RRP1B: variants seen among roughly 807,000 people sequenced by gnomAD.
The protein encoded by RRP1B is ribosomal RNA processing protein 1 homolog B.
Under a neutral mutation model 80.2 loss-of-function variants are expected in RRP1B, and 56 were observed. The ratio of observed to expected loss-of-function variants is 0.70; its 90% CI spans 0.56 to 0.87. The LOEUF (loss-of-function observed/expected upper bound fraction) is 0.87. Among genes scored for constraint, RRP1B ranks in the 40% least tolerant of loss-of-function variants. The pLI is 0.00. For missense variants in RRP1B, 807 were observed against 939.8 expected, an observed-to-expected ratio of 0.86 and a Z score of 1.85; for synonymous variants, 351 against 357.6, an observed-to-expected ratio of 0.98 and a Z score of 0.21.
chr21:43,687,874 T>A lies in RRP1B; in HGVS notation c.1500T>A (p.Ser500Arg). ...AVLPPEDMSQ[S>R]GPSGSHPQGP... is the part of the protein sequence containing the mutation. ...TGCCCCCAGAGGACATGTCTCAGAGTGGCCCGAGTGGCAGTCATCCTCAGG... is the reference window on the plus strand; with the variant it reads ...TGCCCCCAGAGGACATGTCTCAGAGAGGCCCGAGTGGCAGTCATCCTCAGG... Residue 500 changes from serine to arginine, a missense_variant, in exon 13 of 16, where the codon AGT becomes AGA. Physicochemically the swap from Ser to Arg is moderately radical, Grantham distance 110. Coordinates refer to ENST00000340648, the MANE Select transcript of RRP1B (RefSeq NM_015056.3). 1.2e-6 allele frequency: 2 copies of A among 1,613,230 alleles called. No individual in the cohort carries two copies. Among genetic ancestry groups the A allele is most frequent in the Non-Finnish European group, 1.7e-6 (2 of 1,180,020 alleles).
intron 1 of RRP1B, among the ~76,000 whole-genome samples, chr21:43,663,628 G>A (rs1462998983): frequency 1.3e-5 from 2 of 152,060 alleles, no homozygotes; most frequent in Admixed American, 1.3e-4. Flanking sequence ...CACAATCTCG[G>A]CTCACTGCAA....
chr21:43,665,839 C>T lies in RRP1B; in HGVS notation c.131-4045C>T, dbSNP rs1476508291. On this transcript the variant is annotated intron_variant, in intron 1 of 15. Coordinates refer to ENST00000340648, the MANE Select transcript of RRP1B (RefSeq NM_015056.3). ...AGCAGATGCTGGAGCCATGCTTGTA[C>T]AGCCTGCAGAGCCTCGAGCCAAATA... Among the ~76,000 whole-genome samples the T allele has an allele frequency of 2.0e-5, 3 of 152,214 alleles. No homozygotes were observed. In the East Asian group the frequency reaches 5.8e-4, roughly 29 times the overall value.
In RRP1B at chr21:43,669,892, A is replaced by C. The variant is rs757176378; in HGVS notation, c.139A>C (p.Ser47Arg). Residue 47 changes from serine to arginine, a missense_variant, in exon 2 of 16, where the codon AGT becomes CGT. Ser to Arg is a moderately radical substitution (Grantham distance 110). Coordinates refer to ENST00000340648, the MANE Select transcript of RRP1B (RefSeq NM_015056.3). ...VKTQRETGGFSQEELLKIWKG... is the reference protein window; with the variant it reads ...VKTQRETGGFRQEELLKIWKG... ...ATTGTTTTGCCTTCCAGGAGGTTTC[A>C]GTCAGGAAGAACTTCTGAAAATCTG... 2 of 1,612,256 alleles carry C rather than the reference A, an allele frequency of 1.2e-6. No homozygotes were observed. The highest frequency in any genetic ancestry group is 2.2e-5 in the East Asian group (1 of 44,852).
intron 6 of RRP1B, among the ~76,000 whole-genome samples, 184 bp from the exon 7 acceptor site, chr21:43,676,087 CG>C (rs1316152623): frequency 6.6e-6 from 1 of 152,046 alleles, no homozygotes; most frequent in Non-Finnish European, 1.5e-5. Context: ...AGCTGGAGGG[CG>C]GCCTCAGTCT....
intron 1 of RRP1B, among the ~76,000 whole-genome samples, chr21:43,668,962 C>T (rs2082989156): frequency 6.6e-6 from 1 of 152,194 alleles, no homozygotes; most frequent in East Asian, 1.9e-4. Context: ...GGGGTCTACT[C>T]AGGAGATTTA....
Position 43,674,498 on chromosome 21 carries a change from TGAA to T in RRP1B, c.358-137_358-135del, listed in dbSNP as rs2083013031. On this transcript the variant is annotated intron_variant, in intron 4 of 15. Coordinates refer to ENST00000340648, the MANE Select transcript of RRP1B (RefSeq NM_015056.3). ...ATCTAGAAGGTAAATATGACTGTTG[TGAA>T]TATTTTTTTACTTTTGGGATCCAGG... is the stretch of plus-strand genomic sequence containing the variant. 4.5e-6 allele frequency: 3 copies of T among 664,006 alleles called. No homozygotes were observed. The African/African-American group carries it at 5.6e-5, about 12-fold the overall frequency. 41.1% of individuals were successfully genotyped at this position (664,006 alleles called of 1,614,324 possible).
At chr21:43,684,292 C>T (rs1026358623) in intron 9 of RRP1B, among the ~76,000 whole-genome samples, 1 of 151,850 alleles carries the variant, frequency 6.6e-6, no homozygotes, top group Non-Finnish European at 1.5e-5. Flanking sequence ...AGGATGGTCT[C>T]GATGTCCTGA....
At position 43,684,480 on chromosome 21, in the gene RRP1B, A is replaced by T. The variant is rs2083055912; in HGVS notation, c.892-73A>T. ...TGCTTCAGTAAGGGTTTCTCTTACT[A>T]GCAGATGTAAATGGCCAAGTCAGGC... On this transcript the variant is annotated intron_variant, in intron 9 of 15. Coordinates refer to ENST00000340648, the MANE Select transcript of RRP1B (RefSeq NM_015056.3). 3.1e-6 allele frequency: 4 copies of T among 1,273,092 alleles called. No individual in the cohort carries two copies. The East Asian group carries it at 9.3e-5, about 30-fold the overall frequency. 78.9% of individuals were successfully genotyped at this position (1,273,092 alleles called of 1,614,324 possible).
At chr21:43,681,604 G>A (rs547064481) in intron 8 of RRP1B, among the ~76,000 whole-genome samples, 61 of 152,246 alleles carry the variant, frequency 4.0e-4, no homozygotes, top group African/African-American at 1.4e-3. Flanking sequence ...CAAAGTCTTG[G>A]AATTACAGAC....
rs2082938042 is a variant in RRP1B, at chr21:43,659,598, T to C, written c.-67T>C. 2.3e-6 allele frequency: 3 copies of C among 1,331,978 alleles called. No homozygotes were observed. Among genetic ancestry groups the C allele is most frequent in the South Asian group, 2.0e-5 (1 of 50,984 alleles). The allele number at this position is 1,331,978 out of a possible 1,614,324, so 82.5% of individuals were successfully genotyped here. ...GCCCGGGCGGACGGTGGCTGGCTGC[T>C]CCGCAGCGCTCGGCTGGCTGCAGCG... On this transcript the variant is annotated 5_prime_UTR_variant, in exon 1 of 16. Transcript: ENST00000340648. This position sits in a 1 kb window ranked among gnomAD's most constrained non-coding sequence, Gnocchi z 4.2.
Position 43,683,128 on chromosome 21 carries a change from C to T in RRP1B, c.797-151C>T, listed in dbSNP as rs1601758705. ...CCTCAAGTGATCCACCCACCTCAGC[C>T]TCCCAAAGTGCTAGAATTACAGGCG... On this transcript the variant is annotated intron_variant, in intron 8 of 15. Transcript: ENST00000340648. 4.1e-5 allele frequency: 23 copies of T among 563,358 alleles called. No homozygotes were observed. The East Asian group carries it at 7.0e-4, about 17-fold the overall frequency. The allele number at this position is 563,358 out of a possible 1,614,324, so 34.9% of individuals were successfully genotyped here.
Position 43,659,641 on chromosome 21 carries a change from G to C in RRP1B, c.-24G>C, listed in dbSNP as rs907057341. On this transcript the variant is annotated 5_prime_UTR_variant, in exon 1 of 16. Transcript: ENST00000340648. The surrounding 1 kb of genome is among the most constrained non-coding windows in gnomAD (Gnocchi z 4.2). ...CTGCAGCGGCACCGCGGGTTGCGCG[G>C]CCGGGGATGCTCCAGCGGGCGCGAT... is the stretch of plus-strand genomic sequence containing the variant. 6.8e-7 allele frequency: 1 copy of C among 1,476,848 alleles called. No individual in the cohort carries two copies. The highest frequency in any genetic ancestry group is 9.0e-7 in the Non-Finnish European group (1 of 1,112,490). 91.5% of individuals were successfully genotyped at this position (1,476,848 alleles called of 1,614,324 possible). A position where few individuals can be genotyped will look rare whatever the true frequency, so the allele number is the denominator to read the frequency against.
At chr21:43,680,629 T>G (rs1201445642) in intron 8 of RRP1B, among the ~76,000 whole-genome samples, 1 of 151,858 alleles carries the variant, frequency 6.6e-6, no homozygotes, top group Non-Finnish European at 1.5e-5. Flanking sequence ...GGAGCAGTCA[T>G]GGTTTATTGC....
Position 43,691,589 on chromosome 21 carries a change from C to T in RRP1B, c.2083+87C>T, listed in dbSNP as rs543683485. On this transcript the variant is annotated intron_variant, in intron 15 of 15. Coordinates refer to ENST00000340648, the MANE Select transcript of RRP1B (RefSeq NM_015056.3). This position sits in a 1 kb window ranked among gnomAD's most constrained non-coding sequence, Gnocchi z 4.2. ...TCGCAGCCTGGTTCCACAAGGCGGT[C>T]GGGGAAGAGGGGGGTCCTAGCTCCT... is the stretch of plus-strand genomic sequence containing the variant. 7.6e-4 allele frequency: 873 copies of T among 1,153,538 alleles called. 2 individuals carry two copies. Among genetic ancestry groups the T allele is most frequent in the Admixed American group, 1.1e-3 (60 of 55,972 alleles). The allele number at this position is 1,153,538 out of a possible 1,614,324, so 71.5% of individuals were successfully genotyped here. A position where few individuals can be genotyped will look rare whatever the true frequency, so the allele number is the denominator to read the frequency against.
intron 1 of RRP1B, among the ~76,000 whole-genome samples, chr21:43,664,368 T>C (rs1601750364): frequency 6.8e-6 from 1 of 147,972 alleles, no homozygotes; most frequent in East Asian, 2.0e-4. Context: ...GGGAACAAAA[T>C]GTAAAATGTA....
intron 5 of RRP1B, 23 bp downstream of exon 5, chr21:43,674,720 C>A: frequency 6.3e-7 from 1 of 1,582,416 alleles, no homozygotes; most frequent in Non-Finnish European, 8.6e-7. Flanking sequence ...TTTGAGTTAG[C>A]ATGTGGTAGC....
rs546110432 is a variant in RRP1B at position 43,693,104 on chromosome 21, G to A, written c.2084-86G>A. 1.7e-4 allele frequency: 241 copies of A among 1,421,130 alleles called. 2 individuals are homozygous for A. The South Asian group carries it at 2.2e-3, about 13-fold the overall frequency. 88.0% of individuals were successfully genotyped at this position (1,421,130 alleles called of 1,614,324 possible). A position where few individuals can be genotyped will look rare whatever the true frequency, so the allele number is the denominator to read the frequency against. ...TTCGTCCTAGCAAGTGGGTGGGGTC[G>A]GCACCCAGGCAGGACGCTGTCTAAG... On this transcript the variant is annotated intron_variant, in intron 15 of 15. Coordinates refer to ENST00000340648, the MANE Select transcript of RRP1B (RefSeq NM_015056.3). This position sits in a 1 kb window ranked among gnomAD's most constrained non-coding sequence, Gnocchi z 4.1.
At chr21:43,684,056 C>G (rs1316839708) in intron 9 of RRP1B, among the ~76,000 whole-genome samples, 12 of 149,676 alleles carry the variant, frequency 8.0e-5, no homozygotes, top group Admixed American at 8.0e-4. Context: ...AATTGCTTAC[C>G]CAGCTTTTCC....
intron 10 of RRP1B, among the ~76,000 whole-genome samples, chr21:43,684,855 G>A (rs2083057238): frequency 6.6e-6 from 1 of 152,082 alleles, no homozygotes; most frequent in African/African-American, 2.4e-5. Context: ...CATTCTTCCA[G>A]TGCAGCCATA....
Sources: gnomAD v4.1 joint callset for allele counts (sites outside exome capture counted in the v4.1 genomes callset) on GRCh38, gnomAD v4.1.1 for gene constraint, Gnocchi (gnomAD v3.1) non-coding constraint, MANE v1.5 for transcripts, NCBI Gene and HGNC (gene_info 2026-07-23, HGNC 2026-07-21) for gene names.